The following L3MBTL4 variants were observed in gnomAD, a reference collection of about 807,000 sequenced individuals.
L3MBTL4 encodes lethal(3)malignant brain tumor-like protein 4.
In L3MBTL4, 70 loss-of-function variants were observed where a neutral mutation model predicts 84.5. The observed-to-expected ratio is 0.83, with a 90% confidence interval of 0.68 to 1.01. The LOEUF is 1.01. Among genes scored for constraint, L3MBTL4 ranks in the 50% least tolerant of loss-of-function variants. The pLI, the probability that L3MBTL4 is intolerant of heterozygous loss-of-function variation, is 0.00. For missense variants in L3MBTL4, 715 were observed against 754.8 expected, an observed-to-expected ratio of 0.95 and a Z score of 0.62; for synonymous variants, 274 against 259.8, an observed-to-expected ratio of 1.05 and a Z score of -0.52.
Position 5,991,330 on chromosome 18 carries a change from C to T in L3MBTL4, c.1445-21768G>A, listed in dbSNP as rs75271520. On this transcript the variant is annotated intron_variant, in intron 16 of 18. Coordinates refer to ENST00000317931, the MANE Select transcript of L3MBTL4 (RefSeq NM_001330559.2). ...GTAAGCCTTGCCAGTGCCTTGCATA[C>T]AGTAGGGGCTTAATAAATACATGTT... 4.8e-4 allele frequency among the ~76,000 whole-genome samples: 73 copies of T among 152,304 alleles called. 2 individuals are homozygous for T. In the East Asian group the frequency reaches 0.014, roughly 29 times the overall value.
chr18:6,118,979 G>GTT (rs36053569), intron 14 of L3MBTL4, among the ~76,000 whole-genome samples: 140 of 128,508 alleles, frequency 1.1e-3, no homozygotes, highest in Admixed American at 3.3e-3. Context: ...ATTTGGCACA[G>GTT]TTTTTTTTGG....
chr18:6,186,715 C>T (rs529055469), intron 12 of L3MBTL4, among the ~76,000 whole-genome samples: 25 of 152,236 alleles, frequency 1.6e-4, no homozygotes, highest in Non-Finnish European at 2.9e-4. Flanking sequence ...AACGCACCTT[C>T]CTTCCGGTTG....
At chr18:5,983,367 T>C (rs1358982979) in intron 16 of L3MBTL4, among the ~76,000 whole-genome samples, 1 of 152,228 alleles carries the variant, frequency 6.6e-6, no homozygotes, top group African/African-American at 2.4e-5. Context: ...TACCCAGTCG[T>C]AGATAACCGA....
chr18:6,261,458 C>G (rs377271816), intron 5 of L3MBTL4, among the ~76,000 whole-genome samples: 1 of 152,168 alleles, frequency 6.6e-6, no homozygotes, highest in Non-Finnish European at 1.5e-5. Context: ...GCTCACCACC[C>G]GCCTCCTTCA....
chr18:6,093,528 A>C lies in L3MBTL4; in HGVS notation c.1200T>G (p.Ser400Arg). ...TGTCTGAATACGGGCAGCCAAAAGCACTGGTTTGTATAAAAATGAGAGCAC... is the reference window on the plus strand; with the variant it reads ...TGTCTGAATACGGGCAGCCAAAAGCCCTGGTTTGTATAAAAATGAGAGCAC... ...IRGPRYSGHH[S>R]AFGCPYSDMN... Residue 400 changes from serine (S) to arginine (R), a missense_variant and splice_region_variant, in exon 15 of 19, where the codon AGT becomes AGG. By Grantham distance (110) the Ser-to-Arg change is moderately radical. Coordinates refer to ENST00000317931, the MANE Select transcript of L3MBTL4 (RefSeq NM_001330559.2). 6.2e-7 allele frequency: 1 copy of C among 1,610,848 alleles called. No homozygotes were observed.
chr18:6,207,817 C>T (rs2045935003), intron 12 of L3MBTL4, among the ~76,000 whole-genome samples: 1 of 152,008 alleles, frequency 6.6e-6, no homozygotes, highest in South Asian at 2.1e-4. Flanking sequence ...TTCAAAAATG[C>T]ATCCCAGGCC....
intron 1 of L3MBTL4, among the ~76,000 whole-genome samples, chr18:6,394,208 C>A (rs537773487): frequency 6.6e-6 from 1 of 152,288 alleles, no homozygotes; most frequent in East Asian, 1.9e-4. Context: ...TGGCTCACGG[C>A]TGTAATCCCA....
intron 16 of L3MBTL4, among the ~76,000 whole-genome samples, chr18:5,989,557 T>C (rs778446139): frequency 6.6e-6 from 1 of 152,166 alleles, no homozygotes; most frequent in Admixed American, 6.5e-5. Flanking sequence ...AGAGCAAACA[T>C]GCAAACAAAA....
At chr18:5,977,749 G>A (rs1300696164) in intron 16 of L3MBTL4, among the ~76,000 whole-genome samples, 1 of 152,180 alleles carries the variant, frequency 6.6e-6, no homozygotes, top group South Asian at 2.1e-4. Flanking sequence ...TCTAGACCCA[G>A]AGGTTTGGGG....
rs1248557697 is a variant in L3MBTL4 at position 6,072,882 on chromosome 18, ATATAT to A, written c.1444+7994_1444+7998del. 3.1e-3 allele frequency among the ~76,000 whole-genome samples: 52 copies of A among 16,686 alleles called. 2 individuals are homozygous for A. Among genetic ancestry groups the A allele is most frequent in the Non-Finnish European group, 4.0e-3 (37 of 9,154 alleles). 10.9% of individuals were successfully genotyped at this position (16,686 alleles called of 152,430 possible). A position where few individuals can be genotyped will look rare whatever the true frequency, so the allele number is the denominator to read the frequency against. On this transcript the variant is annotated intron_variant, in intron 16 of 18. Transcript: ENST00000317931. ...CTCCGTCTCAAAAAAAAAAAAAAAAATATATATATATATATATATATATATATATA... is the reference window on the plus strand; with the variant it reads ...CTCCGTCTCAAAAAAAAAAAAAAAAAATATATATATATATATATATATATA...
intron 14 of L3MBTL4, among the ~76,000 whole-genome samples, chr18:6,121,656 A>C (rs1237003136): frequency 2.0e-5 from 3 of 151,956 alleles, no homozygotes; most frequent in Non-Finnish European, 4.4e-5. Flanking sequence ...TATTTTTTAA[A>C]TAAATCATAA....
At chr18:6,387,371 AG>A (rs888246891) in intron 1 of L3MBTL4, among the ~76,000 whole-genome samples, 115 of 152,354 alleles carry the variant, frequency 7.5e-4, no homozygotes, top group African/African-American at 2.6e-3. Flanking sequence ...CCAGAAAGTT[AG>A]TTGTATTAAC....
chr18:6,375,696 A>G (rs1384093441), intron 1 of L3MBTL4, among the ~76,000 whole-genome samples: 2 of 152,172 alleles, frequency 1.3e-5, no homozygotes, highest in Non-Finnish European at 2.9e-5. Flanking sequence ...ATGAGATGAC[A>G]ATGGCTTAAC....
chr18:6,166,207 T>C (rs1447474719), intron 13 of L3MBTL4, among the ~76,000 whole-genome samples: 2 of 152,158 alleles, frequency 1.3e-5, no homozygotes, highest in Non-Finnish European at 2.9e-5. Flanking sequence ...CAAAGAGACT[T>C]AGACTCCCAA....
intron 10 of L3MBTL4, among the ~76,000 whole-genome samples, chr18:6,220,033 C>G (rs1387249638): frequency 6.6e-6 from 1 of 151,902 alleles, no homozygotes; most frequent in Non-Finnish European, 1.5e-5. Flanking sequence ...GACCTCACCT[C>G]TATTTTAAAA....
chr18:6,001,104 G>A (rs994077820), intron 16 of L3MBTL4, among the ~76,000 whole-genome samples: 4 of 152,206 alleles, frequency 2.6e-5, no homozygotes, highest in South Asian at 4.1e-4. Flanking sequence ...ACTTGCATGT[G>A]GCTTTCAAGA....
intron 1 of L3MBTL4, among the ~76,000 whole-genome samples, chr18:6,391,322 A>C (rs549748558): frequency 6.6e-6 from 1 of 152,316 alleles, no homozygotes; most frequent in South Asian, 2.1e-4. Context: ...TAGGCATAGA[A>C]GAGATTTACT....
intron 13 of L3MBTL4, among the ~76,000 whole-genome samples, chr18:6,157,781 T>C (rs1455425433): frequency 6.6e-6 from 1 of 152,258 alleles, no homozygotes; most frequent in African/African-American, 2.4e-5. Context: ...AACTTCATAA[T>C]GATAATTTAA....
chr18:6,085,590 G>T (rs1323894170), intron 15 of L3MBTL4, among the ~76,000 whole-genome samples: 2 of 152,096 alleles, frequency 1.3e-5, no homozygotes, highest in Non-Finnish European at 2.9e-5. Flanking sequence ...AGATCTGATG[G>T]TTTTATTAGT....
Sources: gnomAD v4.1 joint callset for allele counts (sites outside exome capture counted in the v4.1 genomes callset) on GRCh38, gnomAD v4.1.1 for gene constraint, MANE v1.5 for transcripts, NCBI Gene and HGNC (gene_info 2026-07-23, HGNC 2026-07-21) for gene names.